Variants in PCDHGA8 observed in about 807,000 individuals in gnomAD.
PCDHGA8 encodes the protein protocadherin gamma-A8.
In PCDHGA8, 45 loss-of-function variants were observed where a neutral mutation model predicts 59.2. The ratio of observed to expected loss-of-function variants is 0.76; its 90% CI spans 0.60 to 0.98. The LOEUF is 0.98. PCDHGA8 is among the 50% of genes least tolerant of loss of function. The probability of loss-of-function intolerance (pLI) is 0.00; values close to 1 mark genes in which losing one functional copy is unlikely to be tolerated. For missense variants in PCDHGA8, 1,257 were observed against 1,196.2 expected (o/e 1.05, Z -0.75); for synonymous variants, 531 against 519.0 (o/e 1.02, Z -0.32).
chr5:141,409,751 C>T, intron 1 of PCDHGA8: 1 of 1,613,000 alleles, frequency 6.2e-7, no homozygotes, highest in Non-Finnish European at 8.5e-7. Flanking sequence ...GGTGTTCGCG[C>T]AGCGCGCCTT....
intron 1 of PCDHGA8, chr5:141,408,974 G>A (rs899313364): frequency 6.2e-7 from 1 of 1,613,808 alleles, no homozygotes; most frequent in South Asian, 1.1e-5. Context: ...TCTGCCCCCT[G>A]GGTCCCCTGT....
At position 141,489,786 on chromosome 5, in the gene PCDHGA8, G is replaced by A. The variant is rs758119518; in HGVS notation, c.2425-5021G>A. 8.7e-6 allele frequency: 14 copies of A among 1,614,194 alleles called. No individual in the cohort carries two copies. Among genetic ancestry groups the A allele is most frequent in the Non-Finnish European group, 1.2e-5 (14 of 1,180,014 alleles). ...CCAACAGCCACTTCTCTCTGAATGTGAAGACCCTAAAAGATGGGAAGCCAT... is the reference window on the plus strand; with the variant it reads ...CCAACAGCCACTTCTCTCTGAATGTAAAGACCCTAAAAGATGGGAAGCCAT... On this transcript the variant is annotated intron_variant, in intron 1 of 3. Transcript: ENST00000398604. This position sits in a 1 kb window ranked among gnomAD's most constrained non-coding sequence, Gnocchi z 4.5.
intron 1 of PCDHGA8, among the ~76,000 whole-genome samples, chr5:141,429,326 T>A (rs571458414): frequency 6.6e-6 from 1 of 152,230 alleles, no homozygotes; most frequent in East Asian, 1.9e-4. Context: ...TTTTCTTTAA[T>A]CCATTAACTA....
Position 141,490,387 on chromosome 5 carries a change from G to C in PCDHGA8, c.2425-4420G>C. 2 of 1,614,196 alleles carry C rather than the reference G, an allele frequency of 1.2e-6. No individual in the cohort carries two copies. The highest frequency in any genetic ancestry group is 1.7e-6 in the Non-Finnish European group (2 of 1,180,034). On this transcript the variant is annotated intron_variant, in intron 1 of 3. Transcript: ENST00000398604. This position sits in a 1 kb window ranked among gnomAD's most constrained non-coding sequence, Gnocchi z 5.4. ...GCGAGACCGGGACTCAGGTAGAAATGGTGAAGTGAGCCTTGATATCTCTCC... is the reference window on the plus strand; with the variant it reads ...GCGAGACCGGGACTCAGGTAGAAATCGTGAAGTGAGCCTTGATATCTCTCC...
chr5:141,403,182 T>G (rs1458009956), intron 1 of PCDHGA8: 1 of 1,613,858 alleles, frequency 6.2e-7, no homozygotes, highest in Non-Finnish European at 8.5e-7. Context: ...CTTTTCTCTC[T>G]GAACCCGCGC....
At chr5:141,460,088 A>C (rs1225262213) in intron 1 of PCDHGA8, among the ~76,000 whole-genome samples, 2 of 151,990 alleles carry the variant, frequency 1.3e-5, no homozygotes, top group Non-Finnish European at 2.9e-5. Flanking sequence ...AAAAATAATA[A>C]TTATACATGT....
At chr5:141,496,048 G>A (rs1327057788) in intron 2 of PCDHGA8, among the ~76,000 whole-genome samples, 1 of 148,400 alleles carries the variant, frequency 6.7e-6, no homozygotes, top group Non-Finnish European at 1.5e-5. Context: ...TCATTTTTTT[G>A]TGCTTGTGGG....
At chr5:141,433,215 T>A (rs755571112) in intron 1 of PCDHGA8, 1 of 1,568,720 alleles carries the variant, frequency 6.4e-7, no homozygotes, top group South Asian at 1.2e-5. Flanking sequence ...TTTCTTTTTT[T>A]TTTTTAATTG....
chr5:141,500,186 T>A (rs1008615587), intron 2 of PCDHGA8, among the ~76,000 whole-genome samples: 7 of 99,362 alleles, frequency 7.0e-5, no homozygotes, highest in African/African-American at 3.5e-4. Flanking sequence ...ATTTTTATTT[T>A]TATTTATTTA....
chr5:141,393,307 A>C lies in PCDHGA8; in HGVS notation c.494A>C (p.Asn165Thr), dbSNP rs1394490963. The C allele has an allele frequency of 1.9e-6, 3 of 1,613,594 alleles. No homozygotes were observed. The highest frequency in any genetic ancestry group is 2.2e-5 in the South Asian group (2 of 91,058). The change falls in exon 1 of 4, where the codon AAC (asparagine) becomes ACC (threonine). Residue 165 changes from asparagine (N) to threonine (T), a missense_variant. Transcript: ENST00000398604. ...GCTGTTGACCCGGATGTGGGCGTGA[A>C]CTCCCTCCAGAGCTACCAGCTCAGC... ...PEAVDPDVGV[N>T]SLQSYQLSPN...
intron 1 of PCDHGA8, among the ~76,000 whole-genome samples, chr5:141,452,375 G>A (rs1239059045): frequency 2.0e-5 from 3 of 152,194 alleles, no homozygotes; most frequent in African/African-American, 7.2e-5. Context: ...TTTTAGTAGG[G>A]AATAGTATTT....
chr5:141,403,634 A>C, intron 1 of PCDHGA8: 1 of 1,613,920 alleles, frequency 6.2e-7, no homozygotes, highest in Non-Finnish European at 8.5e-7. Context: ...CACAGTGCGC[A>C]TCCATGTGAC....
At chr5:141,471,021 A>C (rs1399168691) in intron 1 of PCDHGA8, among the ~76,000 whole-genome samples, 1 of 136,940 alleles carries the variant, frequency 7.3e-6, no homozygotes, top group African/African-American at 2.7e-5. Flanking sequence ...CTGGTCAATC[A>C]TTTTTATTAA....
At chr5:141,507,558 G>A (rs573728108) in intron 3 of PCDHGA8, among the ~76,000 whole-genome samples, 57 of 152,346 alleles carry the variant, frequency 3.7e-4, no homozygotes, top group African/African-American at 1.3e-3. Context: ...AGTGGCAGGC[G>A]GCTGGGTCTG....
intron 1 of PCDHGA8, chr5:141,399,027 A>G (rs1427563902): frequency 6.2e-7 from 1 of 1,613,788 alleles, no homozygotes; most frequent in Non-Finnish European, 8.5e-7. Context: ...TTACCACTCA[A>G]AAGAAACTGG....
intron 1 of PCDHGA8, among the ~76,000 whole-genome samples, chr5:141,458,557 G>A (rs1258900717): frequency 6.9e-6 from 1 of 143,954 alleles, no homozygotes; most frequent in Non-Finnish European, 1.5e-5. Context: ...TGTTTGTTTT[G>A]GTTTTGGGTT....
intron 1 of PCDHGA8, chr5:141,422,096 C>T: frequency 6.2e-7 from 1 of 1,610,710 alleles, no homozygotes; most frequent in Non-Finnish European, 8.5e-7. Context: ...AGCAAGGCTT[C>T]TGAAATATTC....
At position 141,432,065 on chromosome 5, in the gene PCDHGA8, AC is replaced by A; in HGVS notation, c.2424+36829del. 1.2e-6 allele frequency: 2 copies of A among 1,614,048 alleles called. No homozygotes were observed. The highest frequency in any genetic ancestry group is 1.7e-6 in the Non-Finnish European group (2 of 1,180,006). On this transcript the variant is annotated intron_variant, in intron 1 of 3. Transcript: ENST00000398604. The surrounding 1 kb of genome is among the most constrained non-coding windows in gnomAD (Gnocchi z 6.0). ...GGGAACCCCGCCCCTATCCACGGAA[AC>A]TCATATCTCGCTGAACGTGGCAGAC...
intron 1 of PCDHGA8, chr5:141,415,979 C>T (rs2095978015): frequency 2.8e-6 from 1 of 351,190 alleles, no homozygotes; most frequent in Middle Eastern, 8.3e-4. Flanking sequence ...TTAAGCAACC[C>T]TCTTGTTCTG....
Sources: gnomAD v4.1 joint callset for allele counts (sites outside exome capture counted in the v4.1 genomes callset) on GRCh38, gnomAD v4.1.1 for gene constraint, Gnocchi (gnomAD v3.1) non-coding constraint, MANE v1.5 for transcripts, NCBI Gene and HGNC (gene_info 2026-07-23, HGNC 2026-07-21) for gene names.